ANK2: variants seen among roughly 807,000 people sequenced by gnomAD.
ANK2 encodes the protein ankyrin-2.
A neutral mutation model predicts 360.5 loss-of-function variants in ANK2; 83 were observed. The observed-to-expected ratio is 0.23, with a 90% CI of 0.19 to 0.28. ANK2 has a LOEUF of 0.28. Ranked by LOEUF, ANK2 falls within the 10% of genes least tolerant of loss-of-function variation. The probability of loss-of-function intolerance (pLI) is 1.00; values close to 1 mark genes in which losing one functional copy is unlikely to be tolerated. For missense variants in ANK2, 4,201 were observed against 4,795.7 expected (o/e 0.88, Z 3.66); for synonymous variants, 1,740 against 1,759.5 (o/e 0.99, Z 0.28).
At chr4:112,984,736 T>A (rs1349435401) in intron 2 of ANK2, among the ~76,000 whole-genome samples, 1 of 152,216 alleles carries the variant, frequency 6.6e-6, no homozygotes, top group African/African-American at 2.4e-5. Flanking sequence ...GAGAGGTTAT[T>A]GACTATTTTC....
chr4:113,358,988 C>T lies in ANK2; in HGVS notation c.10370C>T (p.Thr3457Met), dbSNP rs900955620. The T allele has an allele frequency of 1.6e-5, 26 of 1,613,894 alleles. No individual in the cohort carries two copies. The highest frequency in any genetic ancestry group is 2.0e-5 in the Non-Finnish European group (24 of 1,179,952). ...RSTTSSCRGG[T>M]SPTKESKEHF... ...ACTACATCTTCCTGCAGGGGGGGCA[C>T]GAGCCCCACAAAAGAAAGTAAGGAG... Residue 3457 changes from threonine (T) to methionine (M), a missense_variant, in exon 38 of 46, where the codon ACG becomes ATG. Thr to Met is a moderately conservative substitution (Grantham distance 81, BLOSUM62 -1). This residue lies in a region of ANK2 where 2,642 missense variants were observed against 2,714.5 expected (regional missense o/e 0.97). Coordinates refer to ENST00000357077, the MANE Select transcript of ANK2 (RefSeq NM_001148.6).
At chr4:113,339,718 TTA>T (rs1393298148) in intron 32 of ANK2, among the ~76,000 whole-genome samples, 8 of 152,260 alleles carry the variant, frequency 5.3e-5, no homozygotes, top group African/African-American at 1.9e-4. Flanking sequence ...TCTAAAAGGC[TTA>T]GAGGCTTCAG....
At chr4:113,020,439 C>T (rs1020357348) in intron 2 of ANK2, among the ~76,000 whole-genome samples, 2 of 152,096 alleles carry the variant, frequency 1.3e-5, no homozygotes, top group African/African-American at 4.8e-5. Context: ...CAAGCTATCT[C>T]CCCACTTTGC....
chr4:113,356,075 A>T lies in ANK2; in HGVS notation c.7457A>T (p.His2486Leu). The T allele has an allele frequency of 6.2e-7, 1 of 1,614,100 alleles. No homozygotes were observed. The highest frequency in any genetic ancestry group is 8.5e-7 in the Non-Finnish European group (1 of 1,179,996). The change falls in exon 38 of 46, where the codon CAC (histidine) becomes CTC (leucine). Residue 2486 changes from histidine (H) to leucine (L), a missense_variant. This residue lies in a region of ANK2 where 2,642 missense variants were observed against 2,714.5 expected (regional missense o/e 0.97). Coordinates refer to ENST00000357077, the MANE Select transcript of ANK2 (RefSeq NM_001148.6). The part of the protein sequence containing the change: ...PKMKAGIFPS[H>L]FPLPAAVAKT... The stretch of plus-strand genomic sequence containing the variant: ...ATGAAGGCTGGAATTTTTCCAAGTC[A>T]CTTTCCTCTTCCTGCAGCTGTTGCC...
intron 20 of ANK2, among the ~76,000 whole-genome samples, chr4:113,291,417 G>A (rs553672721): frequency 1.5e-3 from 222 of 151,532 alleles, no homozygotes; most frequent in Non-Finnish European, 2.6e-3. Flanking sequence ...ATAAGGAGAT[G>A]TAAGACTTCC....
At chr4:112,722,921 G>A in the ANK2 span, among the ~76,000 whole-genome samples, 3 of 151,770 alleles carry the variant, frequency 2.0e-5, no homozygotes, top group Admixed American at 6.6e-5. Context: ...CCATGATCAC[G>A]CCACTGCACT....
intron 2 of ANK2, among the ~76,000 whole-genome samples, chr4:113,029,173 T>C (rs1481114703): frequency 6.6e-6 from 1 of 152,082 alleles, no homozygotes; most frequent in Non-Finnish European, 1.5e-5. Context: ...CTTAGAAAAA[T>C]AATATTTTAA....
intron 2 of ANK2, among the ~76,000 whole-genome samples, chr4:112,958,833 G>T (rs564586905): frequency 8.6e-6 from 1 of 115,686 alleles, no homozygotes; most frequent in African/African-American, 3.5e-5. Flanking sequence ...TATTTTGGGG[G>T]TACAAGAGAA....
In ANK2 at chr4:113,311,370, A is replaced by T; in HGVS notation, c.2664A>T (p.Arg888=). ...TCCTGGATGGTATGAATTACCTGCGATACAGCTTGGAGGGAGGACGATCTG... is the reference window on the plus strand; with the variant it reads ...TCCTGGATGGTATGAATTACCTGCGTTACAGCTTGGAGGGAGGACGATCTG... ...SQFLDGMNYL[R]YSLEGGRSDS... Residue 888 remains arginine, a synonymous_variant, in exon 24 of 46, where the codon CGA becomes CGT. Coordinates refer to ENST00000357077, the MANE Select transcript of ANK2 (RefSeq NM_001148.6). 6.2e-7 allele frequency: 1 copy of T among 1,614,176 alleles called. No individual in the cohort carries two copies.
At chr4:113,349,573 T>C (rs1238568150) in intron 36 of ANK2, among the ~76,000 whole-genome samples, 2 of 152,056 alleles carry the variant, frequency 1.3e-5, no homozygotes, top group Non-Finnish European at 2.9e-5. Context: ...AACTTAAGAC[T>C]GAAGTCATTC....
intron 1 of ANK2, among the ~76,000 whole-genome samples, chr4:112,899,085 G>C (rs1490547992): frequency 6.6e-6 from 1 of 152,158 alleles, no homozygotes; most frequent in Non-Finnish European, 1.5e-5. Context: ...CAAGTTGATG[G>C]GGGCTGTGAA....
At chr4:112,870,197 T>G (rs764652907) in intron 1 of ANK2, among the ~76,000 whole-genome samples, 20 of 151,752 alleles carry the variant, frequency 1.3e-4, no homozygotes, top group Non-Finnish European at 2.5e-4. Context: ...CTTCACTATG[T>G]TAGCCAGACT....
At chr4:113,369,186 C>T (rs188733441) in intron 42 of ANK2, among the ~76,000 whole-genome samples, 87 of 152,220 alleles carry the variant, frequency 5.7e-4, no homozygotes, top group Non-Finnish European at 1.1e-3. Context: ...TCCTCGCATC[C>T]TCAATATCAC....
intron 2 of ANK2, among the ~76,000 whole-genome samples, chr4:112,959,435 T>C (rs575580353): frequency 2.0e-5 from 3 of 152,322 alleles, no homozygotes; most frequent in Admixed American, 6.5e-5. Flanking sequence ...AGGGTGCTCC[T>C]TGGGCTTTAA....
intron 1 of ANK2, among the ~76,000 whole-genome samples, chr4:112,870,227 C>T (rs1024257375): frequency 1.3e-5 from 2 of 151,358 alleles, no homozygotes; most frequent in African/African-American, 4.9e-5. Flanking sequence ...CTCCTGACCT[C>T]AAGTGATCAG....
chr4:112,813,845 T>G (rs1232924145), upstream of ANK2, among the ~76,000 whole-genome samples: 6 of 152,156 alleles, frequency 3.9e-5, no homozygotes, highest in Admixed American at 3.9e-4. Flanking sequence ...CAGATTTCCC[T>G]TAAAAGAAAT....
intron 1 of ANK2, among the ~76,000 whole-genome samples, chr4:112,872,173 G>A (rs1219214313): frequency 1.3e-5 from 2 of 151,708 alleles, no homozygotes; most frequent in East Asian, 3.9e-4. Context: ...ACCACAGGTG[G>A]ACACCACCAT....
chr4:112,989,835 A>T (rs2046152173), intron 2 of ANK2, among the ~76,000 whole-genome samples: 1 of 152,246 alleles, frequency 6.6e-6, no homozygotes, highest in Non-Finnish European at 1.5e-5. Flanking sequence ...ACATGCACAA[A>T]CATATTTTTT....
At chr4:112,790,173 AAAG>A in the ANK2 span, among the ~76,000 whole-genome samples, 1 of 152,224 alleles carries the variant, frequency 6.6e-6, no homozygotes, top group African/African-American at 2.4e-5. Flanking sequence ...ATTGTGGAAA[AAAG>A]AGAATAAATA....
Sources: allele counts gnomAD v4.1 joint callset (sites outside exome capture counted in the v4.1 genomes callset), GRCh38; gene constraint gnomAD v4.1.1; regional missense constraint gnomAD v4.1.1; transcripts MANE v1.5; gene names NCBI Gene and HGNC (gene_info 2026-07-23, HGNC 2026-07-21).